RNF152: variants seen among roughly 807,000 people sequenced by gnomAD.
RNF152 encodes the protein ring finger protein 152, also known as E3 ubiquitin-protein ligase RNF152.
Under a neutral mutation model 12.7 loss-of-function variants are expected in RNF152, and 11 were observed. That is an observed-to-expected ratio of 0.86 (90% CI 0.54 to 1.43). RNF152 has a LOEUF of 1.43. Among genes scored for constraint, RNF152 ranks in the 40% most tolerant of loss-of-function variants. The pLI is 0.00. For synonymous variants in RNF152, 113 were observed against 120.3 expected (o/e 0.94, Z 0.40); for missense variants, 255 against 274.8 (o/e 0.93, Z 0.51).
At chr18:61,855,431 C>A (rs1298172425) in intron 1 of RNF152, among the ~76,000 whole-genome samples, 1 of 152,226 alleles carries the variant, frequency 6.6e-6, no homozygotes, top group East Asian at 1.9e-4. Flanking sequence ...CGTTCCATAG[C>A]CCTTACCTAG....
intron 1 of RNF152, among the ~76,000 whole-genome samples, chr18:61,887,260 G>A (rs531581735): frequency 1.3e-5 from 2 of 152,296 alleles, no homozygotes; most frequent in Admixed American, 1.3e-4. Flanking sequence ...TTGGCCTAAT[G>A]GTCTAAGAGT....
intron 1 of RNF152, among the ~76,000 whole-genome samples, chr18:61,817,194 C>A (rs1372543331): frequency 6.6e-6 from 1 of 152,118 alleles, no homozygotes; most frequent in Non-Finnish European, 1.5e-5. Flanking sequence ...TCATCTTTCC[C>A]AACAAATCAT....
chr18:61,873,043 T>C (rs76556991), intron 1 of RNF152, among the ~76,000 whole-genome samples: 4,839 of 152,256 alleles, frequency 0.032, 261 homozygotes, highest in African/African-American at 0.11. Flanking sequence ...TGAATGCTTC[T>C]ACGTACCAGA....
chr18:61,891,284 T>C (rs1325477493), intron 1 of RNF152, among the ~76,000 whole-genome samples: 1 of 152,210 alleles, frequency 6.6e-6, no homozygotes, highest in African/African-American at 2.4e-5. Flanking sequence ...CAATGGACAC[T>C]TTATTATGAT....
Position 61,814,421 on chromosome 18 carries a change from G to GTTAGATGAGAGCTGTAAAGCTCACAGC in RNF152, c.*1404_*1430dup, listed in dbSNP as rs1311109933. On this transcript the variant is annotated 3_prime_UTR_variant, in exon 2 of 2. Coordinates refer to ENST00000312828, the MANE Select transcript of RNF152 (RefSeq NM_173557.3). ...TTGCTTCATGAATTCCATAAAAGAA[G>GTTAGATGAGAGCTGTAAAGCTCACAGC]TTAGATGAGAGCTGTAAAGCTCACA... 1.3e-5 allele frequency: 2 copies of GTTAGATGAGAGCTGTAAAGCTCACAGC among 152,198 alleles called. No individual in the cohort carries two copies. Among genetic ancestry groups the GTTAGATGAGAGCTGTAAAGCTCACAGC allele is most frequent in the Non-Finnish European group, 2.9e-5 (2 of 68,044 alleles). 9.4% of individuals were successfully genotyped at this position (152,198 alleles called of 1,614,324 possible).
chr18:61,865,989 T>C (rs1911708619), intron 1 of RNF152, among the ~76,000 whole-genome samples: 1 of 152,222 alleles, frequency 6.6e-6, no homozygotes, highest in East Asian at 1.9e-4. Flanking sequence ...CACCAAGCCC[T>C]GGTTATTCTG....
intron 1 of RNF152, among the ~76,000 whole-genome samples, chr18:61,841,313 C>T (rs1457594651): frequency 5.9e-5 from 9 of 152,130 alleles, no homozygotes; most frequent in African/African-American, 2.2e-4. Flanking sequence ...ATCTCCAGAC[C>T]CGCAACATAA....
Position 61,866,207 on chromosome 18 carries a change from A to T in RNF152, c.-136+26588T>A, listed in dbSNP as rs140388751. Among the ~76,000 whole-genome samples the T allele has an allele frequency of 6.9e-3, 1,052 of 152,052 alleles. 7 individuals carry two copies. Among genetic ancestry groups the T allele is most frequent in the Non-Finnish European group, 0.012 (789 of 67,974 alleles). ...GCAAACTAGGTTCTCCCTGCCTCTC[A>T]TCTCTCCCCAATACCAACCATCCAA... On this transcript the variant is annotated intron_variant, in intron 1 of 1. Transcript: ENST00000312828.
chr18:61,820,660 C>A (rs1198964941), intron 1 of RNF152, among the ~76,000 whole-genome samples: 1 of 152,100 alleles, frequency 6.6e-6, no homozygotes, highest in Admixed American at 6.5e-5. Context: ...AACAGGAAAA[C>A]CCTCAATTGC....
intron 1 of RNF152, among the ~76,000 whole-genome samples, chr18:61,839,972 T>C (rs1910378537): frequency 6.6e-6 from 1 of 152,230 alleles, no homozygotes; most frequent in Non-Finnish European, 1.5e-5. Flanking sequence ...CAGCCATTTC[T>C]CCAGGGAGCC....
chr18:61,819,723 A>G (rs941599110), intron 1 of RNF152, among the ~76,000 whole-genome samples: 4 of 152,118 alleles, frequency 2.6e-5, no homozygotes, highest in African/African-American at 7.2e-5. Flanking sequence ...GGAAGATATT[A>G]AAGAGTCAAA....
intron 1 of RNF152, among the ~76,000 whole-genome samples, chr18:61,817,517 G>A (rs889823428): frequency 2.0e-5 from 3 of 152,060 alleles, no homozygotes; most frequent in Non-Finnish European, 2.9e-5. Context: ...AAAATACAGC[G>A]TTCTCAGGAT....
At chr18:61,863,094 T>C (rs988160660) in intron 1 of RNF152, among the ~76,000 whole-genome samples, 2 of 152,180 alleles carry the variant, frequency 1.3e-5, no homozygotes, top group East Asian at 1.9e-4. Flanking sequence ...CAGCCATCCA[T>C]GTCCAAAACA....
rs1197948258 is a variant in RNF152, at chr18:61,816,004, C to T, written c.460G>A (p.Glu154Lys). The T allele has an allele frequency of 8.7e-6, 14 of 1,614,064 alleles. No homozygotes were observed. The highest frequency in any genetic ancestry group is 1.1e-5 in the Non-Finnish European group (13 of 1,180,008). ...GGAPQEAVEE[E>K]QDRRGVVKSS... The stretch of plus-strand genomic sequence containing the variant: ...TTCACCACGCCCCGCCTGTCCTGCT[C>T]CTCCTCCACCGCCTCCTGGGGAGCC... The change falls in exon 2 of 2, where the codon GAG becomes AAG. Residue 154 changes from glutamate (E) to lysine (K), a missense_variant. Coordinates refer to ENST00000312828, the MANE Select transcript of RNF152 (RefSeq NM_173557.3).
At chr18:61,868,696 C>A (rs1911849293) in intron 1 of RNF152, among the ~76,000 whole-genome samples, 1 of 151,408 alleles carries the variant, frequency 6.6e-6, no homozygotes, top group Admixed American at 6.6e-5. Flanking sequence ...AAGCAAGACT[C>A]CGTCTCAAAA....
At chr18:61,827,186 G>A (rs898571201) in intron 1 of RNF152, among the ~76,000 whole-genome samples, 3 of 152,136 alleles carry the variant, frequency 2.0e-5, no homozygotes, top group African/African-American at 7.2e-5. Flanking sequence ...CCTTTGCATA[G>A]CTATAGCAGG....
intron 1 of RNF152, among the ~76,000 whole-genome samples, chr18:61,884,573 T>C (rs1912608188): frequency 6.6e-6 from 1 of 152,196 alleles, no homozygotes; most frequent in South Asian, 2.1e-4. Context: ...GTTTGTTTGT[T>C]TGTTTGAGAC....
intron 1 of RNF152, among the ~76,000 whole-genome samples, chr18:61,847,386 G>T (rs1910784961): frequency 6.6e-6 from 1 of 152,184 alleles, no homozygotes; most frequent in Non-Finnish European, 1.5e-5. Flanking sequence ...CTAAAAAGAG[G>T]TTTGGTATTG....
In RNF152 at chr18:61,820,048, G is replaced by A. The variant is rs112336633; in HGVS notation, c.-135-3450C>T. Among the ~76,000 whole-genome samples, 67 of 143,900 alleles carry A rather than the reference G, an allele frequency of 4.7e-4. 1 individual carries two copies. The highest frequency in any genetic ancestry group is 4.4e-3 in the Middle Eastern group (1 of 228). 94.4% of individuals were successfully genotyped at this position (143,900 alleles called of 152,430 possible). ...AAAAAAAAAAAAAAAAAAAGAATCC[G>A]GCCGGGCATGGTGGCTCACGCCTGT... On this transcript the variant is annotated intron_variant, in intron 1 of 1. Transcript: ENST00000312828.
Sources: allele counts gnomAD v4.1 joint callset (sites outside exome capture counted in the v4.1 genomes callset), GRCh38; gene constraint gnomAD v4.1.1; transcripts MANE v1.5; gene names NCBI Gene and HGNC (gene_info 2026-07-23, HGNC 2026-07-21).